Variants in AGBL3 observed in about 807,000 individuals in gnomAD.
AGBL3 encodes AGBL carboxypeptidase 3.
Under a neutral mutation model 94.5 loss-of-function variants are expected in AGBL3, and 68 were observed. The ratio of observed to expected loss-of-function variants is 0.72; its 90% CI spans 0.59 to 0.88. The LOEUF (loss-of-function observed/expected upper bound fraction) is 0.88. Among genes scored for constraint, AGBL3 ranks in the 40% least tolerant of loss-of-function variants. The pLI is 0.00. For missense variants in AGBL3, 934 were observed against 1,103.8 expected, an observed-to-expected ratio of 0.85 and a Z score of 2.18; for synonymous variants, 354 against 370.7, an observed-to-expected ratio of 0.95 and a Z score of 0.52.
At chr7:135,001,800 T>C (rs1309697725) in intron 4 of AGBL3, among the ~76,000 whole-genome samples, 1 of 152,202 alleles carries the variant, frequency 6.6e-6, no homozygotes. Context: ...AGGATTTGCC[T>C]CAACACTTTA....
Position 135,135,341 on chromosome 7 carries a change from T to TC in AGBL3, c.*84dup. The TC allele has an allele frequency of 8.0e-7, 1 of 1,246,070 alleles. No homozygotes were observed. The highest frequency in any genetic ancestry group is 1.1e-6 in the Non-Finnish European group (1 of 941,908). The allele number at this position is 1,246,070 out of a possible 1,614,324, so 77.2% of individuals were successfully genotyped here. ...AGTAAAAAGAAAAAAAGGAAAGCCC[T>TC]CCCCTTCCCCTTTCCCTATCTCTCC... On this transcript the variant is annotated 3_prime_UTR_variant, in exon 17 of 17. Transcript: ENST00000436302.
intron 4 of AGBL3, among the ~76,000 whole-genome samples, chr7:134,996,809 A>T (rs76003182): frequency 6.6e-6 from 1 of 152,196 alleles, no homozygotes; most frequent in Non-Finnish European, 1.5e-5. Flanking sequence ...GATACTGTCA[A>T]ATTTTCCTCC....
rs185822052 is a variant in AGBL3 at position 135,005,315 on chromosome 7, A to T, written c.310+11637A>T. 1.6e-4 allele frequency among the ~76,000 whole-genome samples: 24 copies of T among 151,912 alleles called. No homozygotes were observed. The East Asian group carries it at 4.4e-3, about 28-fold the overall frequency. ...ATTTTAACAAATTTAACAAATGCAT[A>T]CATTTGTGTAATCTAAACGCATACC... On this transcript the variant is annotated intron_variant, in intron 4 of 16. Transcript: ENST00000436302.
intron 11 of AGBL3, among the ~76,000 whole-genome samples, chr7:135,050,424 C>A (rs1169641068): frequency 2.0e-5 from 3 of 151,768 alleles, no homozygotes; most frequent in African/African-American, 7.3e-5. Context: ...TTGTTCAAGC[C>A]CTCTGTTTCC....
chr7:135,026,253 T>TTTTATTTTATTTTATTTTATTTTA lies in AGBL3; in HGVS notation c.419-6587_419-6564dup, dbSNP rs1554497739. On this transcript the variant is annotated intron_variant, in intron 5 of 16. Transcript: ENST00000436302. Reference sequence around the variant, plus strand: ...AATAGAAATGAATACCATTATTTTATTTTATTTTATTTTATTTTATTTTAT... The same window carrying TTTTATTTTATTTTATTTTATTTTA: ...AATAGAAATGAATACCATTATTTTATTTTATTTTATTTTATTTTATTTTATTTATTTTATTTTATTTTATTTTAT... Among the ~76,000 whole-genome samples the TTTTATTTTATTTTATTTTATTTTA allele has an allele frequency of 9.2e-3, 1,277 of 138,628 alleles. 34 individuals are homozygous for TTTTATTTTATTTTATTTTATTTTA. The highest frequency in any genetic ancestry group is 0.032 in the African/African-American group (1,195 of 37,226). The allele number at this position is 138,628 out of a possible 152,430, so 90.9% of individuals were successfully genotyped here.
chr7:134,991,947 T>C (rs1810338090), intron 3 of AGBL3, among the ~76,000 whole-genome samples: 2 of 152,154 alleles, frequency 1.3e-5, no homozygotes, highest in Admixed American at 1.3e-4. Context: ...CCTGTGGGGG[T>C]GCTTCTCTAA....
intron 3 of AGBL3, among the ~76,000 whole-genome samples, chr7:134,990,645 T>C (rs895685707): frequency 1.3e-5 from 2 of 152,248 alleles, no homozygotes; most frequent in Non-Finnish European, 1.5e-5. Context: ...GCTAACTATA[T>C]ACTGTATGAG....
chr7:135,116,476 A>G (rs547404127), intron 16 of AGBL3, among the ~76,000 whole-genome samples: 1 of 152,362 alleles, frequency 6.6e-6, no homozygotes, highest in Non-Finnish European at 1.5e-5. Flanking sequence ...TGCAGTAGTA[A>G]AAACCCTGAC....
intron 15 of AGBL3, among the ~76,000 whole-genome samples, chr7:135,096,602 TAG>T (rs1822839439): frequency 2.4e-5 from 3 of 125,766 alleles, no homozygotes; most frequent in African/African-American, 8.6e-5. Flanking sequence ...GATAGATAGA[TAG>T]ATAGATAGAT....
At chr7:135,100,194 A>T (rs13237009) in intron 15 of AGBL3, 73,470 of 138,616 alleles carry the variant, frequency 0.53, 18,302 homozygotes, top group East Asian at 0.79. Context: ...GTTTCTCTTT[A>T]AAAAAAAAAA....
chr7:135,032,471 A>ATTTTTTTTTTTTTTTTT (rs375307379), intron 5 of AGBL3, among the ~76,000 whole-genome samples: 1 of 134,392 alleles, frequency 7.4e-6, no homozygotes. Flanking sequence ...CACCTGGCTA[A>ATTTTTTTTTTTTTTTTT]TTTTTTTTTT....
intron 15 of AGBL3, among the ~76,000 whole-genome samples, chr7:135,103,309 G>A (rs1446521668): frequency 4.6e-5 from 7 of 151,914 alleles, no homozygotes; most frequent in Admixed American, 4.6e-4. Flanking sequence ...AGGTTTAAGA[G>A]GGAGTTCCTT....
chr7:135,015,724 G>C (rs934074641), intron 4 of AGBL3, among the ~76,000 whole-genome samples: 1 of 151,880 alleles, frequency 6.6e-6, no homozygotes, highest in Non-Finnish European at 1.5e-5. Flanking sequence ...TTGAAGATCA[G>C]CATACACAGG....
chr7:135,063,452 T>C (rs1386219340), intron 12 of AGBL3, among the ~76,000 whole-genome samples: 1 of 152,120 alleles, frequency 6.6e-6, no homozygotes, highest in African/African-American at 2.4e-5. Flanking sequence ...TCAGAACTTG[T>C]TTTTCCTTTT....
rs186687104 is a variant in AGBL3 at position 135,056,622 on chromosome 7, A to T, written c.1842-2547A>T. ...CCACGAACAACTGGAATTTAAAATTAAAAAAAAATACCATCTATGCTAGCA... is the reference window on the plus strand; with the variant it reads ...CCACGAACAACTGGAATTTAAAATTTAAAAAAAATACCATCTATGCTAGCA... On this transcript the variant is annotated intron_variant, in intron 11 of 16. Coordinates refer to ENST00000436302, the MANE Select transcript of AGBL3 (RefSeq NM_178563.4). Among the ~76,000 whole-genome samples the T allele has an allele frequency of 2.4e-4, 36 of 151,216 alleles. 1 individual carries two copies. The East Asian group carries it at 2.7e-3, about 11-fold the overall frequency.
intron 16 of AGBL3, among the ~76,000 whole-genome samples, chr7:135,127,903 T>C (rs1419305878): frequency 1.3e-5 from 2 of 152,118 alleles, no homozygotes; most frequent in Non-Finnish European, 2.9e-5. Context: ...CTGTTTACAA[T>C]AGCAAAGACA....
intron 4 of AGBL3, 77 bp downstream of exon 4, chr7:134,993,755 A>C: frequency 8.1e-7 from 1 of 1,230,664 alleles, no homozygotes; most frequent in Non-Finnish European, 1.1e-6. Flanking sequence ...GAGGAGACTC[A>C]CAATGTTAGA....
chr7:135,121,750 C>A (rs1827164670), intron 16 of AGBL3, among the ~76,000 whole-genome samples: 1 of 152,120 alleles, frequency 6.6e-6, no homozygotes, highest in African/African-American at 2.4e-5. Flanking sequence ...CTGGTGTGAT[C>A]CACAGAGAGG....
At chr7:135,051,566 A>G (rs1205275079) in intron 11 of AGBL3, among the ~76,000 whole-genome samples, 2 of 152,124 alleles carry the variant, frequency 1.3e-5, no homozygotes, top group Non-Finnish European at 2.9e-5. Context: ...TAGATAACAT[A>G]GCCTAGATGA....
Sources: gnomAD v4.1 joint callset for allele counts (sites outside exome capture counted in the v4.1 genomes callset) on GRCh38, gnomAD v4.1.1 for gene constraint, MANE v1.5 for transcripts, NCBI Gene and HGNC (gene_info 2026-07-23, HGNC 2026-07-21) for gene names.